The following CHEK1 variants were observed in gnomAD, a reference collection of about 807,000 sequenced individuals.
The protein encoded by CHEK1 is checkpoint kinase 1.
In CHEK1, 32 loss-of-function variants were observed where a neutral mutation model predicts 60.2. The observed-to-expected ratio is 0.53, with a 90% CI of 0.40 to 0.71. The LOEUF is 0.71. Ranked by LOEUF, CHEK1 falls within the 30% of genes least tolerant of loss-of-function variation. CHEK1 has a pLI of 0.00. For missense variants in CHEK1, 399 were observed against 564.6 expected, an observed-to-expected ratio of 0.71 and a Z score of 2.97; for synonymous variants, 179 against 187.2, an observed-to-expected ratio of 0.96 and a Z score of 0.36.
chr11:125,636,987 G>A (rs1341232503), intron 7 of CHEK1, among the ~76,000 whole-genome samples: 1 of 152,012 alleles, frequency 6.6e-6, no homozygotes, highest in East Asian at 1.9e-4. Flanking sequence ...AGGAAGATAC[G>A]TGAATTTTTT....
chr11:125,629,846 G>C (rs557726930), intron 5 of CHEK1, among the ~76,000 whole-genome samples: 1 of 151,870 alleles, frequency 6.6e-6, no homozygotes, highest in African/African-American at 2.4e-5. Flanking sequence ...TCAGCTTCCC[G>C]AGTAGCTAGG....
At chr11:125,665,869 CTTTTTTTT>C (rs66560397) in intron 13 of CHEK1, among the ~76,000 whole-genome samples, 1 of 30,516 alleles carries the variant, frequency 3.3e-5, no homozygotes, top group East Asian at 1.5e-3. Flanking sequence ...CTTCATTCCC[CTTTTTTTT>C]TTTTTTTTTT....
intron 13 of CHEK1, among the ~76,000 whole-genome samples, chr11:125,674,046 G>T (rs1314476742): frequency 6.6e-6 from 1 of 152,120 alleles, no homozygotes; most frequent in African/African-American, 2.4e-5. Context: ...AGCTACTCAG[G>T]AGGGTGAGGC....
chr11:125,670,651 T>G (rs1332365566), intron 13 of CHEK1, among the ~76,000 whole-genome samples: 1 of 152,172 alleles, frequency 6.6e-6, no homozygotes, highest in African/African-American at 2.4e-5. Context: ...GCTGTCTTAT[T>G]TTCAGGAGTA....
intron 13 of CHEK1, among the ~76,000 whole-genome samples, chr11:125,670,370 T>C (rs1942180186): frequency 6.6e-6 from 1 of 152,262 alleles, no homozygotes; most frequent in African/African-American, 2.4e-5. Context: ...TGGCTATGGG[T>C]CACAATTCCC....
intron 11 of CHEK1, among the ~76,000 whole-genome samples, chr11:125,652,613 T>C (rs556500714): frequency 6.6e-6 from 1 of 152,296 alleles, no homozygotes; most frequent in South Asian, 2.1e-4. Context: ...ACATACCCAC[T>C]GGGAGAAGAG....
chr11:125,627,095 C>G (rs948936909), intron 2 of CHEK1, among the ~76,000 whole-genome samples: 6 of 152,148 alleles, frequency 3.9e-5, no homozygotes, highest in African/African-American at 9.7e-5. Flanking sequence ...GGTTAATGAG[C>G]AAATGAGCAG....
chr11:125,658,685 C>CTTTTTTTTTTTTTTTTTTTTTTTTTTTT (rs67342073), downstream of CHEK1, among the ~76,000 whole-genome samples: 2 of 34,880 alleles, frequency 5.7e-5, 1 homozygote. Flanking sequence ...ATGGCTTTTG[C>CTTTTTTTTTTTTTTTTTTTTTTTTTTTT]TTTTTTTTTT....
At chr11:125,674,812 A>G (rs935237979) in intron 13 of CHEK1, among the ~76,000 whole-genome samples, 2 of 152,160 alleles carry the variant, frequency 1.3e-5, no homozygotes, top group African/African-American at 4.8e-5. Context: ...AATAAAGGAG[A>G]ACTATTAAAT....
At chr11:125,627,056 C>G (rs1182140338) in intron 2 of CHEK1, among the ~76,000 whole-genome samples, 1 of 152,128 alleles carries the variant, frequency 6.6e-6, no homozygotes, top group African/African-American at 2.4e-5. Context: ...TCCATGCCCA[C>G]AAATTGCTTC....
At chr11:125,643,985 G>A (rs754792986) in intron 9 of CHEK1, 85 bp downstream of exon 9, 31 of 1,523,388 alleles carry the variant, frequency 2.0e-5, no homozygotes, top group East Asian at 9.0e-5. Flanking sequence ...CATAATAATC[G>A]ACATTAACAT....
At chr11:125,627,272 A>G (rs1230103424) in intron 2 of CHEK1, among the ~76,000 whole-genome samples, 1 of 152,220 alleles carries the variant, frequency 6.6e-6, no homozygotes, top group Non-Finnish European at 1.5e-5. Flanking sequence ...AGTCAGTTAC[A>G]CAAGCACATA....
chr11:125,678,167 G>A (rs1368143468), downstream of CHEK1: 5 of 1,614,080 alleles, frequency 3.1e-6, no homozygotes, highest in Non-Finnish European at 4.2e-6. Context: ...AAGTGTTCAG[G>A]CCTGAAGAAG....
At chr11:125,672,743 G>T in intron 13 of CHEK1, 1 of 1,612,958 alleles carries the variant, frequency 6.2e-7, no homozygotes, top group South Asian at 1.1e-5. Context: ...ACAGACTAGT[G>T]AGCAGAAAGC....
At chr11:125,629,084 A>T in intron 3 of CHEK1, 148 bp from the exon 4 acceptor site, 1 of 674,452 alleles carries the variant, frequency 1.5e-6, no homozygotes, top group Non-Finnish European at 2.6e-6. Context: ...TAAGCCCCAT[A>T]TGTGTTAGTG....
At chr11:125,641,309 G>T (rs552682305) in intron 8 of CHEK1, among the ~76,000 whole-genome samples, 4 of 151,754 alleles carry the variant, frequency 2.6e-5, no homozygotes, top group African/African-American at 9.7e-5. Flanking sequence ...CTCACTGGTC[G>T]CTCTTTTCAG....
At chr11:125,676,551 G>T (rs1033788486), downstream of CHEK1, 9 of 1,575,036 alleles carry the variant, frequency 5.7e-6, no homozygotes, top group Admixed American at 1.2e-4. Flanking sequence ...CATCTGGGAG[G>T]GGTAATGGGC....
intron 11 of CHEK1, among the ~76,000 whole-genome samples, chr11:125,646,101 A>G (rs1941492698): frequency 6.6e-6 from 1 of 152,136 alleles, no homozygotes; most frequent in Admixed American, 6.5e-5. Context: ...ACGGGGAAAA[A>G]AAAACAAAAC....
At chr11:125,672,644 C>T (rs370037825) in intron 13 of CHEK1, 23 of 1,614,136 alleles carry the variant, frequency 1.4e-5, no homozygotes, top group East Asian at 8.9e-5. Flanking sequence ...TTTGCATCCT[C>T]GTTCCATGGG....
Sources: gnomAD v4.1 joint callset for allele counts (sites outside exome capture counted in the v4.1 genomes callset) on GRCh38, gnomAD v4.1.1 for gene constraint, MANE v1.5 for transcripts, NCBI Gene and HGNC (gene_info 2026-07-23, HGNC 2026-07-21) for gene names.